Variants in TMEM67 observed in about 807,000 individuals in gnomAD.
TMEM67 encodes meckelin.
Under a neutral mutation model 136.6 loss-of-function variants are expected in TMEM67, and 124 were observed. The observed-to-expected ratio is 0.91, with a 90% CI of 0.78 to 1.05. TMEM67 has a LOEUF of 1.05. TMEM67 is among the 50% of genes least tolerant of loss of function. The pLI, the probability that TMEM67 is intolerant of heterozygous loss-of-function variation, is 0.00. For missense variants in TMEM67, 1,107 were observed against 1,178.4 expected (o/e 0.94, Z 0.89); for synonymous variants, 364 against 390.5 (o/e 0.93, Z 0.80).
At position 93,765,473 on chromosome 8, in the gene TMEM67, T is replaced by G; in HGVS notation, c.574T>G (p.Leu192Val). The change falls in exon 5 of 28, where the codon TTA becomes GTA. Residue 192 changes from leucine to valine, a missense_variant and splice_region_variant. Leu to Val is a conservative substitution (Grantham distance 32). Coordinates refer to ENST00000453321, the MANE Select transcript of TMEM67 (RefSeq NM_153704.6). The part of the protein sequence containing the change: ...RSCACSEPNI[L>V]TGGLCFSSTG... Reference sequence around the variant, plus strand: ...CTGTGCATGTTCAGAACCTAACATTTTAGTAAGGCTAACCAAATTGATAAA... The same window carrying G: ...CTGTGCATGTTCAGAACCTAACATTGTAGTAAGGCTAACCAAATTGATAAA... The G allele has an allele frequency of 6.2e-7, 1 of 1,611,922 alleles. No individual in the cohort carries two copies. Among genetic ancestry groups the G allele is most frequent in the Non-Finnish European group, 8.5e-7 (1 of 1,179,392 alleles).
intron 3 of TMEM67, chr8:93,759,171 A>G (rs973112151): frequency 2.0e-5 from 3 of 152,190 alleles, no homozygotes; most frequent in African/African-American, 7.2e-5. Context: ...GAAAAAAAAT[A>G]TTTATCATTG....
intron 3 of TMEM67, among the ~76,000 whole-genome samples, chr8:93,760,972 T>C (rs528957908): frequency 6.6e-6 from 1 of 152,322 alleles, no homozygotes; most frequent in Admixed American, 6.5e-5. Flanking sequence ...AAATGTACGT[T>C]AAAGCTAAAA....
intron 2 of TMEM67, chr8:93,756,169 T>C (rs1812564683): frequency 3.7e-6 from 1 of 272,150 alleles, no homozygotes; most frequent in Non-Finnish European, 7.0e-6. Context: ...ATAAGGCATA[T>C]ATAGAGCAGT....
chr8:93,785,312 C>G lies in TMEM67; in HGVS notation c.1222C>G (p.Gln408Glu), dbSNP rs1293724116. 6.2e-7 allele frequency: 1 copy of G among 1,606,240 alleles called. No homozygotes were observed. The highest frequency in any genetic ancestry group is 8.5e-7 in the Non-Finnish European group (1 of 1,173,538). ...YLEYTDENQH[Q>E]YILAVPVLNL... ...TGAATATACTGATGAAAATCAACAT[C>G]AATATATTTTGGCTGTGCCTGTGTT... The change falls in exon 12 of 28, where the codon CAA (glutamine) becomes GAA (glutamate). Residue 408 changes from glutamine (Q) to glutamate (E), a missense_variant. Coordinates refer to ENST00000453321, the MANE Select transcript of TMEM67 (RefSeq NM_153704.6).
chr8:93,804,866 T>C lies in TMEM67; in HGVS notation c.2427T>C (p.Leu809=). The C allele has an allele frequency of 6.4e-7, 1 of 1,560,304 alleles. No individual in the cohort carries two copies. The highest frequency in any genetic ancestry group is 8.8e-7 in the Non-Finnish European group (1 of 1,131,172). The change falls in exon 23 of 28, where the codon CTT becomes CTC. Residue 809 remains leucine, a synonymous_variant. Coordinates refer to ENST00000453321, the MANE Select transcript of TMEM67 (RefSeq NM_153704.6). The part of the protein sequence containing the change: ...DTNMEEMNMN[L]KREAENLCSQ... ...ATATGGAAGAAATGAATATGAACCT[T>C]AAAAGAGAAGCGGTATGAAAATGTT... is the stretch of plus-strand genomic sequence containing the variant.
At chr8:93,798,941 T>TGTGTGTG (rs1563473392) in intron 20 of TMEM67, among the ~76,000 whole-genome samples, 1 of 105,776 alleles carries the variant, frequency 9.5e-6, no homozygotes, top group African/African-American at 4.0e-5. Flanking sequence ...TGTACTAAAG[T>TGTGTGTG]AGTGTGTGTG....
rs201801581 is a variant in TMEM67 at position 93,797,548 on chromosome 8, T to A, written c.2100+78T>A. On this transcript the variant is annotated intron_variant, in intron 20 of 27. Transcript: ENST00000453321. Reference sequence around the variant, plus strand: ...TAAACTAATATAATTCCAACTAAGTTTTCATGACAGTGGAAGATTTCTCTA... The same window carrying A: ...TAAACTAATATAATTCCAACTAAGTATTCATGACAGTGGAAGATTTCTCTA... The A allele has an allele frequency of 5.7e-6, 8 of 1,397,432 alleles. No individual in the cohort carries two copies. The East Asian group carries it at 1.7e-4, about 29-fold the overall frequency. The allele number at this position is 1,397,432 out of a possible 1,614,324, so 86.6% of individuals were successfully genotyped here.
intron 21 of TMEM67, 148 bp downstream of exon 21, chr8:93,799,906 T>C: frequency 1.8e-5 from 1 of 56,112 alleles, no homozygotes; most frequent in Non-Finnish European, 2.8e-5. Context: ...GGTCAGTTCT[T>C]TTTTTTTTTT....
chr8:93,795,786 G>C (rs1017767914), intron 17 of TMEM67, 115 bp from the exon 18 acceptor site: 15 of 780,882 alleles, frequency 1.9e-5, no homozygotes, highest in South Asian at 5.0e-5. Flanking sequence ...TCCTGCCCGG[G>C]CAGCATACTG....
At chr8:93,797,513 T>C in intron 20 of TMEM67, 43 bp downstream of exon 20, 2 of 1,559,800 alleles carry the variant, frequency 1.3e-6, no homozygotes, top group Non-Finnish European at 1.8e-6. Context: ...TACATGTACC[T>C]TATAAATATT....
At chr8:93,795,258 G>T (rs1814555663) in intron 16 of TMEM67, 151 bp from the exon 17 acceptor site, 2 of 714,486 alleles carry the variant, frequency 2.8e-6, no homozygotes, top group Non-Finnish European at 2.5e-6. Context: ...GAGGAAGCAG[G>T]TGGTCTTTAT....
In TMEM67 at chr8:93,765,631, A is replaced by G. The variant is rs1290903488; in HGVS notation, c.636A>G (p.Ala212=). The G allele has an allele frequency of 1.2e-6, 2 of 1,611,756 alleles. No individual in the cohort carries two copies. The highest frequency in any genetic ancestry group is 3.3e-5 in the Admixed American group (2 of 60,022). ...TTCCTCTACGTAGAATTTCAGCTGC[A>G]CGTTATGGAGAAGTTGTGAGTATGT... ...GNFPLRRISA[A]RYGEVGMSLT... is the part of the protein sequence containing the mutation. Residue 212 remains alanine, a synonymous_variant, in exon 6 of 28, where the codon GCA becomes GCG. Coordinates refer to ENST00000453321, the MANE Select transcript of TMEM67 (RefSeq NM_153704.6).
chr8:93,778,740 C>G (rs1162041183), intron 7 of TMEM67, among the ~76,000 whole-genome samples: 1 of 152,202 alleles, frequency 6.6e-6, no homozygotes. Context: ...GTCTGATGGG[C>G]TTCCCTTTGT....
chr8:93,775,646 A>C (rs1813507070), intron 7 of TMEM67, among the ~76,000 whole-genome samples: 1 of 152,118 alleles, frequency 6.6e-6, no homozygotes. Flanking sequence ...CAGGTTTGTC[A>C]AGGATCAGAT....
chr8:93,755,255 G>T, intron 1 of TMEM67, 118 bp downstream of exon 1: 1 of 1,041,348 alleles, frequency 9.6e-7, no homozygotes, highest in Non-Finnish European at 1.5e-6. Context: ...TCTGACCTCA[G>T]GTGATCCACC....
downstream of TMEM67, among the ~76,000 whole-genome samples, chr8:93,819,815 T>C (rs1359870797): frequency 6.6e-6 from 1 of 152,192 alleles, no homozygotes; most frequent in East Asian, 1.9e-4. Flanking sequence ...CTGTATAAGA[T>C]GTTTTGTCAT....
At chr8:93,766,952 T>A (rs919097327) in intron 6 of TMEM67, among the ~76,000 whole-genome samples, 5 of 152,238 alleles carry the variant, frequency 3.3e-5, no homozygotes, top group Admixed American at 3.3e-4. Flanking sequence ...TGTATATGAT[T>A]ATTAAATTTG....
At chr8:93,795,847 A>G in intron 17 of TMEM67, 54 bp from the exon 18 acceptor site, 1 of 1,381,348 alleles carries the variant, frequency 7.2e-7, no homozygotes, top group Admixed American at 1.9e-5. Flanking sequence ...AAACAAACAA[A>G]CAAACAAAAA....
At chr8:93,808,455 A>T (rs1808515590) in intron 23 of TMEM67, among the ~76,000 whole-genome samples, 1 of 470 alleles carries the variant, frequency 2.1e-3, no homozygotes, top group African/African-American at 6.8e-3. Flanking sequence ...TTATATATAA[A>T]TATATATTTA....
Sources: allele counts gnomAD v4.1 joint callset (sites outside exome capture counted in the v4.1 genomes callset), GRCh38; gene constraint gnomAD v4.1.1; transcripts MANE v1.5; gene names NCBI Gene and HGNC (gene_info 2026-07-23, HGNC 2026-07-21).